C1QTNF2: variants seen among roughly 807,000 people sequenced by gnomAD.
C1QTNF2 encodes the protein C1q and TNF related 2, also known as complement C1q tumor necrosis factor-related protein 2.
C1QTNF2 carries 15 observed loss-of-function variants against 17.4 expected under a neutral mutation model. The observed-to-expected ratio is 0.86, with a 90% confidence interval of 0.58 to 1.33. C1QTNF2 has a LOEUF of 1.33. Ranked by LOEUF, C1QTNF2 falls within the 40% of genes most tolerant of loss-of-function variation. The pLI, the probability that C1QTNF2 is intolerant of heterozygous loss-of-function variation, is 0.00. For synonymous variants in C1QTNF2, 154 were observed against 163.3 expected (o/e 0.94, Z 0.44); for missense variants, 381 against 392.3 (o/e 0.97, Z 0.24).
chr5:160,353,652 G>T (rs1763967950), intron 2 of C1QTNF2, among the ~76,000 whole-genome samples: 1 of 152,116 alleles, frequency 6.6e-6, no homozygotes, highest in Non-Finnish European at 1.5e-5. Context: ...ATGTGGGCCG[G>T]AGCCCAGCAG....
In C1QTNF2 at chr5:160,370,497, G is replaced by A; in HGVS notation, c.-10+15C>T. ...CACTTGCCGCCCCCGCCCGACCGCG[G>A]TGCGGGACACTCACCCTCGCGGCTG... is the stretch of plus-strand genomic sequence containing the variant. On this transcript the variant is annotated intron_variant, in intron 1 of 2. Coordinates refer to ENST00000652664, the MANE Select transcript of C1QTNF2 (RefSeq NM_031908.6). The A allele has an allele frequency of 1.4e-6, 2 of 1,457,186 alleles. No homozygotes were observed. Among genetic ancestry groups the A allele is most frequent in the Admixed American group, 2.6e-5 (1 of 37,932 alleles). 90.3% of individuals were successfully genotyped at this position (1,457,186 alleles called of 1,614,324 possible).
intron 1 of C1QTNF2, among the ~76,000 whole-genome samples, chr5:160,364,819 T>C (rs998101807): frequency 1.4e-5 from 2 of 143,756 alleles, no homozygotes; most frequent in African/African-American, 6.0e-5. Flanking sequence ...CTGGCGTGTC[T>C]GTGCTCCATA....
At chr5:160,366,013 GT>G (rs1396207882) in intron 1 of C1QTNF2, among the ~76,000 whole-genome samples, 2 of 152,264 alleles carry the variant, frequency 1.3e-5, no homozygotes, top group Non-Finnish European at 2.9e-5. Flanking sequence ...ACATGAGTGA[GT>G]TCTTTAGTGG....
chr5:160,353,788 C>CTTTTTTTTTTTTTTTT (rs200777932), intron 2 of C1QTNF2, among the ~76,000 whole-genome samples: 1 of 85,974 alleles, frequency 1.2e-5, no homozygotes, highest in Non-Finnish European at 2.1e-5. Context: ...ACTTCTCAGG[C>CTTTTTTTTTTTTTTTT]TTTTTTTTTT....
intron 1 of C1QTNF2, among the ~76,000 whole-genome samples, chr5:160,358,245 CA>C (rs1764087672): frequency 6.6e-6 from 1 of 152,174 alleles, no homozygotes; most frequent in Non-Finnish European, 1.5e-5. Flanking sequence ...ATTCTAGTTC[CA>C]AACCTAGAGG....
chr5:160,367,737 A>G (rs1764272633), intron 1 of C1QTNF2, among the ~76,000 whole-genome samples: 2 of 152,228 alleles, frequency 1.3e-5, no homozygotes, highest in South Asian at 4.1e-4. Flanking sequence ...ACTAGGACAG[A>G]GAGCCTGTGT....
Position 160,349,854 on chromosome 5 carries a change from C to G in C1QTNF2, c.245-73G>C. 5 of 1,472,676 alleles carry G rather than the reference C, an allele frequency of 3.4e-6. No individual in the cohort carries two copies. The highest frequency in any genetic ancestry group is 4.5e-6 in the Non-Finnish European group (5 of 1,117,594). 91.2% of individuals were successfully genotyped at this position (1,472,676 alleles called of 1,614,324 possible). ...GCAGAGGGGTGCGGTGCGGCTTGGT[C>G]TTCCAATCTTGGAGAAGGAGTGCTT... is the stretch of plus-strand genomic sequence containing the variant. On this transcript the variant is annotated intron_variant, in intron 2 of 2. Coordinates refer to ENST00000652664, the MANE Select transcript of C1QTNF2 (RefSeq NM_031908.6). The surrounding 1 kb of genome is among the most constrained non-coding windows in gnomAD (Gnocchi z 4.3).
chr5:160,354,706 C>T (rs2113512473), intron 2 of C1QTNF2, 62 bp downstream of exon 2: 3 of 1,594,982 alleles, frequency 1.9e-6, no homozygotes, highest in African/African-American at 1.4e-5. Context: ...TTCATGATGC[C>T]CCCCACATGC....
intron 1 of C1QTNF2, among the ~76,000 whole-genome samples, chr5:160,365,083 G>A (rs1283979384): frequency 6.6e-6 from 1 of 152,170 alleles, no homozygotes; most frequent in Non-Finnish European, 1.5e-5. Flanking sequence ...CTGCTTACCT[G>A]AGCATCCAGC....
At chr5:160,354,631 T>TATATATATATAGAG (rs1314517787) in intron 2 of C1QTNF2, 137 bp downstream of exon 2, 1 of 223,566 alleles carries the variant, frequency 4.5e-6, no homozygotes, top group Non-Finnish European at 7.8e-6. Context: ...TATATATATA[T>TATATATATATAGAG]ATAGATTTAT....
Position 160,349,915 on chromosome 5 carries a change from A to G in C1QTNF2, c.245-134T>C. ...AAGAACAAGAAGGCTTTGCAGACATATAGAAGTGGGTGTAAATCCTAATGC... is the reference window on the plus strand; with the variant it reads ...AAGAACAAGAAGGCTTTGCAGACATGTAGAAGTGGGTGTAAATCCTAATGC... On this transcript the variant is annotated intron_variant, in intron 2 of 2. Transcript: ENST00000652664. The surrounding 1 kb of genome is among the most constrained non-coding windows in gnomAD (Gnocchi z 4.3). 1 of 1,035,090 alleles carries G rather than the reference A, an allele frequency of 9.7e-7. No homozygotes were observed. The highest frequency in any genetic ancestry group is 1.3e-6 in the Non-Finnish European group (1 of 747,120). The allele number at this position is 1,035,090 out of a possible 1,614,324, so 64.1% of individuals were successfully genotyped here.
chr5:160,362,601 C>G (rs6870320), intron 1 of C1QTNF2, among the ~76,000 whole-genome samples: 1 of 152,026 alleles, frequency 6.6e-6, no homozygotes, highest in South Asian at 2.1e-4. Flanking sequence ...TGGCTGGGGT[C>G]GAGGTCCCAC....
chr5:160,369,744 G>T (rs1764315150), intron 1 of C1QTNF2, among the ~76,000 whole-genome samples: 1 of 152,208 alleles, frequency 6.6e-6, no homozygotes, highest in African/African-American at 2.4e-5. Context: ...GGGACTCATG[G>T]TGTCAGAGGA....
intron 1 of C1QTNF2, among the ~76,000 whole-genome samples, chr5:160,367,232 C>T (rs965582716): frequency 6.6e-6 from 1 of 152,026 alleles, no homozygotes; most frequent in Non-Finnish European, 1.5e-5. Flanking sequence ...CAATGTAAAA[C>T]TTGGGAGATT....
chr5:160,350,992 T>C (rs997151365), intron 2 of C1QTNF2, among the ~76,000 whole-genome samples: 1 of 152,136 alleles, frequency 6.6e-6, no homozygotes, highest in Non-Finnish European at 1.5e-5. Context: ...CCTCGTGATC[T>C]GCCCACCTCG....
chr5:160,365,642 G>T (rs1764235064), intron 1 of C1QTNF2, among the ~76,000 whole-genome samples: 1 of 152,276 alleles, frequency 6.6e-6, no homozygotes, highest in Admixed American at 6.5e-5. Context: ...GAGCTGGTCT[G>T]GTGGTTAAGT....
Position 160,349,736 on chromosome 5 carries a change from C to T in C1QTNF2, c.290G>A (p.Gly97Asp). 2 of 1,549,356 alleles carry T rather than the reference C, an allele frequency of 1.3e-6. No individual in the cohort carries two copies. The highest frequency in any genetic ancestry group is 1.2e-5 in the South Asian group (1 of 80,290). Residue 97 changes from glycine (G) to aspartate (D), a missense_variant, in exon 3 of 3, where the codon GGC becomes GAC. Gly to Asp is a moderately conservative substitution (Grantham distance 94). Coordinates refer to ENST00000652664, the MANE Select transcript of C1QTNF2 (RefSeq NM_031908.6). The surrounding 1 kb of genome is among the most constrained non-coding windows in gnomAD (Gnocchi z 4.3). ...TGNRGKPGPK[G>D]KAGAIGRAGP... The stretch of plus-strand genomic sequence containing the variant: ...AGCCCGCCCAATGGCCCCGGCTTTG[C>T]CCTTTGGTCCTGGCTTTCCCCGGTT...
intron 1 of C1QTNF2, among the ~76,000 whole-genome samples, chr5:160,362,559 C>A (rs999537391): frequency 6.6e-6 from 1 of 152,210 alleles, no homozygotes; most frequent in East Asian, 1.9e-4. Context: ...TCCTTGAATT[C>A]CTTCTTGAGA....
intron 1 of C1QTNF2, among the ~76,000 whole-genome samples, chr5:160,368,537 A>G (rs1407160797): frequency 6.6e-6 from 1 of 151,078 alleles, no homozygotes; most frequent in Non-Finnish European, 1.5e-5. Flanking sequence ...TTCTCAAAAA[A>G]AAAGAAAAAA....
Sources: gnomAD v4.1 joint callset for allele counts (sites outside exome capture counted in the v4.1 genomes callset) on GRCh38, gnomAD v4.1.1 for gene constraint, Gnocchi (gnomAD v3.1) non-coding constraint, MANE v1.5 for transcripts, NCBI Gene and HGNC (gene_info 2026-07-23, HGNC 2026-07-21) for gene names.